The following PCDHA13 variants were observed in gnomAD, a reference collection of about 807,000 sequenced individuals.
PCDHA13 encodes protocadherin alpha-13.
Under a neutral mutation model 64.8 loss-of-function variants are expected in PCDHA13, and 54 were observed. The ratio of observed to expected loss-of-function variants is 0.83; its 90% CI spans 0.67 to 1.04. The LOEUF (loss-of-function observed/expected upper bound fraction) is 1.04, where lower values mean the gene tolerates loss of function less well. PCDHA13 is among the 50% of genes least tolerant of loss of function. PCDHA13 has a pLI of 0.00. For synonymous variants in PCDHA13, 587 were observed against 564.4 expected (o/e 1.04, Z -0.57); for missense variants, 1,248 against 1,254.3 (o/e 0.99, Z 0.08).
intron 1 of PCDHA13, among the ~76,000 whole-genome samples, chr5:140,972,284 T>A (rs113618936): frequency 3.6e-4 from 55 of 150,874 alleles, no homozygotes; most frequent in African/African-American, 1.3e-3. Context: ...GGACCATAGA[T>A]GTGCGCCACC....
At chr5:140,963,303 G>A (rs2153735006) in intron 1 of PCDHA13, among the ~76,000 whole-genome samples, 1 of 152,286 alleles carries the variant, frequency 6.6e-6, no homozygotes, top group South Asian at 2.1e-4. Flanking sequence ...GAGAAAATAA[G>A]AAGCTGTTTG....
At chr5:140,909,378 C>T (rs544117185) in intron 1 of PCDHA13, among the ~76,000 whole-genome samples, 1 of 152,264 alleles carries the variant, frequency 6.6e-6, no homozygotes, top group Admixed American at 6.5e-5. Context: ...GCAATGAAAC[C>T]ACATCTAGTA....
intron 1 of PCDHA13, among the ~76,000 whole-genome samples, chr5:140,976,093 A>G (rs782314077): frequency 6.6e-6 from 1 of 152,238 alleles, no homozygotes; most frequent in African/African-American, 2.4e-5. Context: ...TCAGTAGTCA[A>G]CTTTTCAACT....
At chr5:140,913,299 T>A (rs2076283233) in intron 1 of PCDHA13, among the ~76,000 whole-genome samples, 1 of 152,196 alleles carries the variant, frequency 6.6e-6, no homozygotes, top group South Asian at 2.1e-4. Context: ...AATTTCTTCA[T>A]AGATCAACCT....
chr5:141,001,378 C>T (rs889628264), intron 3 of PCDHA13, among the ~76,000 whole-genome samples: 20 of 152,166 alleles, frequency 1.3e-4, no homozygotes, highest in African/African-American at 4.8e-4. Flanking sequence ...GATTACAGAG[C>T]CTAAGATCCT....
chr5:140,971,263 C>T (rs1554233162), intron 1 of PCDHA13, among the ~76,000 whole-genome samples: 1 of 152,186 alleles, frequency 6.6e-6, no homozygotes, highest in African/African-American at 2.4e-5. Flanking sequence ...CTATTTCTGT[C>T]TTACACTGAC....
chr5:140,906,456 G>T (rs527287837), intron 1 of PCDHA13, among the ~76,000 whole-genome samples: 1 of 152,278 alleles, frequency 6.6e-6, no homozygotes, highest in African/African-American at 2.4e-5. Context: ...ATAAAATGAA[G>T]ATATTTTCTT....
intron 2 of PCDHA13, among the ~76,000 whole-genome samples, chr5:140,980,367 C>A (rs1245361324): frequency 2.6e-5 from 4 of 152,174 alleles, no homozygotes; most frequent in Non-Finnish European, 5.9e-5. Flanking sequence ...CGCGGTGGCT[C>A]ACACCTGTAA....
chr5:140,882,420 A>C lies in PCDHA13; in HGVS notation c.152A>C (p.Asp51Ala). The change falls in exon 1 of 4, where the codon GAC (aspartate) becomes GCC (alanine). Residue 51 changes from aspartate (D) to alanine (A), a missense_variant. By Grantham distance (126) the Asp-to-Ala change is moderately radical. Coordinates refer to ENST00000289272, the MANE Select transcript of PCDHA13 (RefSeq NM_018904.3). ...HGTFVGRIAQ[D>A]LGLELAELVP... ...ACCTTCGTGGGCCGCATCGCTCAGG[A>C]CCTGGGGCTGGAGCTGGCGGAGCTG... 1 of 1,614,046 alleles carries C rather than the reference A, an allele frequency of 6.2e-7. No individual in the cohort carries two copies. Among genetic ancestry groups the C allele is most frequent in the East Asian group, 2.2e-5 (1 of 44,884 alleles).
At chr5:140,997,465 A>G (rs1427334533) in intron 3 of PCDHA13, among the ~76,000 whole-genome samples, 1 of 152,182 alleles carries the variant, frequency 6.6e-6, no homozygotes, top group Non-Finnish European at 1.5e-5. Flanking sequence ...ACTGTAGGCA[A>G]TTTTTACACA....
At chr5:140,945,569 A>C (rs575302416) in intron 1 of PCDHA13, among the ~76,000 whole-genome samples, 2 of 152,256 alleles carry the variant, frequency 1.3e-5, no homozygotes, top group South Asian at 4.1e-4. Context: ...ACATCATACT[A>C]CCTGGCTTCA....
At chr5:140,976,787 C>T (rs1460336492) in intron 1 of PCDHA13, among the ~76,000 whole-genome samples, 3 of 152,150 alleles carry the variant, frequency 2.0e-5, no homozygotes, top group Admixed American at 6.5e-5. Flanking sequence ...TATATAGCTA[C>T]GCTTTTATGA....
chr5:140,917,378 A>G (rs532934226), intron 1 of PCDHA13, among the ~76,000 whole-genome samples: 4 of 150,894 alleles, frequency 2.7e-5, no homozygotes, highest in South Asian at 2.1e-4. Context: ...CTCCACCTCA[A>G]TAGTCTGATG....
intron 3 of PCDHA13, among the ~76,000 whole-genome samples, chr5:141,002,660 T>C (rs1366913026): frequency 1.3e-5 from 2 of 152,170 alleles, no homozygotes; most frequent in Admixed American, 1.3e-4. Context: ...AGGGCTCTTG[T>C]CAGGACCAAA....
In PCDHA13 at chr5:140,882,814, A is replaced by AGT; in HGVS notation, c.546_547insGT (p.Gln183ValfsTer15). The AGT allele has an allele frequency of 1.9e-6, 3 of 1,614,248 alleles. No individual in the cohort carries two copies. The highest frequency in any genetic ancestry group is 2.5e-6 in the Non-Finnish European group (3 of 1,180,046). On this transcript the variant is annotated frameshift_variant, in exon 1 of 4. Coordinates refer to ENST00000289272, the MANE Select transcript of PCDHA13 (RefSeq NM_018904.3). LOFTEE classifies it high-confidence loss of function. ...CCAACGATTATTTCACTTTGGACGC[A>AGT]CAAAACAGTCTTGAGCAAATGTCTT...
chr5:140,941,828 A>T (rs2093176954), intron 1 of PCDHA13, among the ~76,000 whole-genome samples: 1 of 152,218 alleles, frequency 6.6e-6, no homozygotes, highest in Non-Finnish European at 1.5e-5. Flanking sequence ...TGCTGTAAAT[A>T]ATTTAGGCTG....
intron 1 of PCDHA13, among the ~76,000 whole-genome samples, chr5:140,951,653 C>T (rs2094610729): frequency 6.6e-6 from 1 of 152,176 alleles, no homozygotes; most frequent in South Asian, 2.1e-4. Context: ...TCACCTCCCA[C>T]CAGGGCCTGC....
intron 1 of PCDHA13, among the ~76,000 whole-genome samples, chr5:140,944,988 G>A (rs1554216650): frequency 6.6e-6 from 1 of 152,048 alleles, no homozygotes; most frequent in Non-Finnish European, 1.5e-5. Flanking sequence ...GTCTACTTCT[G>A]TAACGGTTGT....
chr5:140,883,494 T>C lies in PCDHA13; in HGVS notation c.1226T>C (p.Leu409Pro). Residue 409 changes from leucine to proline, a missense_variant, in exon 1 of 4, where the codon CTG (leucine) becomes CCG (proline). Transcript: ENST00000289272. ...TACAAGAACTACTACTCATTAGTGC[T>C]GGACAGCGCCCTGGACCGCGAGAGC... ...STYKNYYSLV[L>P]DSALDRESVS... is the part of the protein sequence containing the mutation. 1 of 1,614,208 alleles carries C rather than the reference T, an allele frequency of 6.2e-7. No individual in the cohort carries two copies. The highest frequency in any genetic ancestry group is 8.5e-7 in the Non-Finnish European group (1 of 1,180,044).
Sources: gnomAD v4.1 joint callset for allele counts (sites outside exome capture counted in the v4.1 genomes callset) on GRCh38, gnomAD v4.1.1 for gene constraint, MANE v1.5 for transcripts, NCBI Gene and HGNC (gene_info 2026-07-23, HGNC 2026-07-21) for gene names.